Variants in PTPRD observed in about 807,000 individuals in gnomAD.
PTPRD encodes protein tyrosine phosphatase receptor type D, also known as receptor-type tyrosine-protein phosphatase delta.
PTPRD carries 34 observed loss-of-function variants against 214.5 expected under a neutral mutation model. That is an observed-to-expected ratio of 0.16 (90% CI 0.12 to 0.21). PTPRD has a LOEUF of 0.21. PTPRD is among the 10% of genes least tolerant of loss of function. The probability of loss-of-function intolerance (pLI) is 1.00; values close to 1 mark genes in which losing one functional copy is unlikely to be tolerated. For synonymous variants in PTPRD, 1,128 were observed against 845.7 expected (o/e 1.33, Z -5.79); for missense variants, 2,545 against 2,398.7 (o/e 1.06, Z -1.27).
At chr9:9,512,594 T>C (rs1368303779) in intron 8 of PTPRD, among the ~76,000 whole-genome samples, 2 of 151,858 alleles carry the variant, frequency 1.3e-5, no homozygotes, top group African/African-American at 2.4e-5. Flanking sequence ...TGAGCCTCTT[T>C]TTGGAAAATG....
At chr9:9,452,130 A>G (rs1368460553) in intron 8 of PTPRD, among the ~76,000 whole-genome samples, 1 of 151,548 alleles carries the variant, frequency 6.6e-6, no homozygotes, top group Non-Finnish European at 1.5e-5. Context: ...AAAAAGCTGA[A>G]TGCCAAAAAC....
intron 2 of PTPRD, among the ~76,000 whole-genome samples, chr9:10,373,378 T>A (rs1213545100): frequency 6.6e-6 from 1 of 152,078 alleles, no homozygotes; most frequent in Non-Finnish European, 1.5e-5. Flanking sequence ...CTTGGACAGT[T>A]CTTGGAATCT....
intron 7 of PTPRD, among the ~76,000 whole-genome samples, chr9:9,627,175 T>C (rs2095448451): frequency 6.6e-6 from 1 of 151,948 alleles, no homozygotes; most frequent in Non-Finnish European, 1.5e-5. Flanking sequence ...ATTAGCCAGG[T>C]GTACATCTGT....
chr9:9,561,377 A>ACATG (rs1424404458), intron 8 of PTPRD, among the ~76,000 whole-genome samples: 2 of 152,332 alleles, frequency 1.3e-5, no homozygotes, highest in Admixed American at 6.5e-5. Context: ...CAGTGTGGGC[A>ACATG]CATGTTCTCA....
chr9:10,083,011 C>A (rs1590665510), intron 3 of PTPRD, among the ~76,000 whole-genome samples: 2 of 151,918 alleles, frequency 1.3e-5, no homozygotes, highest in African/African-American at 4.8e-5. Context: ...AAGACTTTCT[C>A]CCTCTTTAAT....
Position 10,360,832 on chromosome 9 carries a change from G to A in PTPRD, c.-599-19815C>T, listed in dbSNP as rs533677705. ...AAATTTGTCATTAAGGCCAGGCGCG[G>A]TGGCTCACGCCTGTAATCCCAGCAC... On this transcript the variant is annotated intron_variant, in intron 2 of 45. Transcript: ENST00000381196. 3.3e-5 allele frequency among the ~76,000 whole-genome samples: 5 copies of A among 152,302 alleles called. No homozygotes were observed. In the South Asian group the frequency reaches 1.0e-3, roughly 32 times the overall value.
At chr9:8,381,397 T>C (rs900195559) in intron 37 of PTPRD, among the ~76,000 whole-genome samples, 4 of 152,208 alleles carry the variant, frequency 2.6e-5, no homozygotes, top group Admixed American at 1.3e-4. Flanking sequence ...TAAGACCAGA[T>C]TGAATACTTG....
intron 3 of PTPRD, among the ~76,000 whole-genome samples, chr9:10,175,819 G>A (rs16931225): frequency 0.31 from 47,632 of 151,660 alleles, 7,533 homozygotes; most frequent in Middle Eastern, 0.38. Flanking sequence ...ACTCAACACA[G>A]TAACACAACT....
chr9:9,463,961 C>T (rs965814610), intron 8 of PTPRD, among the ~76,000 whole-genome samples: 5 of 152,168 alleles, frequency 3.3e-5, no homozygotes, highest in South Asian at 2.1e-4. Context: ...ATCATGACTG[C>T]ATAACCAGCT....
intron 3 of PTPRD, among the ~76,000 whole-genome samples, chr9:10,067,320 A>G (rs1375096346): frequency 6.6e-6 from 1 of 151,910 alleles, no homozygotes; most frequent in Non-Finnish European, 1.5e-5. Context: ...GTAAATAGCT[A>G]CAATTATAAT....
At chr9:9,792,832 G>C (rs1401776717) in intron 5 of PTPRD, among the ~76,000 whole-genome samples, 3 of 152,060 alleles carry the variant, frequency 2.0e-5, no homozygotes, top group African/African-American at 7.2e-5. Flanking sequence ...CCTGTTATTT[G>C]TAATTAGTGA....
At chr9:9,077,707 G>T (rs938607832) in intron 10 of PTPRD, among the ~76,000 whole-genome samples, 2 of 151,928 alleles carry the variant, frequency 1.3e-5, no homozygotes, top group Non-Finnish European at 2.9e-5. Context: ...GGGGAGGGAG[G>T]AGTAGTCACA....
intron 7 of PTPRD, among the ~76,000 whole-genome samples, chr9:9,619,531 A>G (rs1029151748): frequency 1.4e-5 from 2 of 146,766 alleles, no homozygotes; most frequent in Admixed American, 1.4e-4. Flanking sequence ...ATAAATGACT[A>G]TATTTATATA....
At chr9:10,374,705 T>G (rs6474539) in intron 2 of PTPRD, among the ~76,000 whole-genome samples, 85,181 of 151,862 alleles carry the variant, frequency 0.56, 26,501 homozygotes, top group Non-Finnish European at 0.72. Flanking sequence ...AGCTCCATGT[T>G]CTCTATGATT....
intron 7 of PTPRD, among the ~76,000 whole-genome samples, chr9:9,635,202 C>T (rs2095720490): frequency 6.6e-6 from 1 of 152,034 alleles, no homozygotes; most frequent in Non-Finnish European, 1.5e-5. Flanking sequence ...AGATCATCAA[C>T]AGAAAATAAA....
At position 9,239,821 on chromosome 9, in the gene PTPRD, C is replaced by T. The variant is rs148392013; in HGVS notation, c.-202-56458G>A. Among the ~76,000 whole-genome samples the T allele has an allele frequency of 4.1e-3, 628 of 152,276 alleles. 2 individuals are homozygous for T. Among genetic ancestry groups the T allele is most frequent in the African/African-American group, 0.014 (602 of 41,572 alleles). ...ATCTTCACAGCTGTCTGACCTCTATCCTTTGGCTTGTGCTCTATCCCTGGT... is the reference window on the plus strand; with the variant it reads ...ATCTTCACAGCTGTCTGACCTCTATTCTTTGGCTTGTGCTCTATCCCTGGT... On this transcript the variant is annotated intron_variant, in intron 9 of 45. Coordinates refer to ENST00000381196, the MANE Select transcript of PTPRD (RefSeq NM_002839.4).
chr9:10,047,932 C>G (rs1254422205), intron 3 of PTPRD, among the ~76,000 whole-genome samples: 1 of 152,130 alleles, frequency 6.6e-6, no homozygotes, highest in Non-Finnish European at 1.5e-5. Flanking sequence ...TATTTCTTTT[C>G]CTGTCTTTCC....
intron 11 of PTPRD, among the ~76,000 whole-genome samples, chr9:8,823,600 G>A (rs755454562): frequency 2.0e-5 from 3 of 151,880 alleles, no homozygotes; most frequent in Non-Finnish European, 4.4e-5. Flanking sequence ...GCAGTGAGCT[G>A]TGATCACACC....
chr9:10,594,174 A>T (rs1043041837), intron 2 of PTPRD, among the ~76,000 whole-genome samples: 1 of 151,996 alleles, frequency 6.6e-6, no homozygotes, highest in East Asian at 1.9e-4. Context: ...TACATAATCT[A>T]CTTTACTATA....
Sources: gnomAD v4.1 joint callset for allele counts (sites outside exome capture counted in the v4.1 genomes callset) on GRCh38, gnomAD v4.1.1 for gene constraint, MANE v1.5 for transcripts, NCBI Gene and HGNC (gene_info 2026-07-23, HGNC 2026-07-21) for gene names.